The following TTC28 variants were observed in gnomAD, a reference collection of about 807,000 sequenced individuals.
TTC28 encodes tetratricopeptide repeat protein 28.
Under a neutral mutation model 198.0 loss-of-function variants are expected in TTC28, and 61 were observed. That is an observed-to-expected ratio of 0.31 (90% CI 0.25 to 0.38). The LOEUF is 0.38. TTC28 is among the 10% of genes least tolerant of loss of function. The pLI, the probability that TTC28 is intolerant of heterozygous loss-of-function variation, is 1.00. For synonymous variants in TTC28, 1,171 were observed against 1,297.8 expected (o/e 0.90, Z 2.10); for missense variants, 2,678 against 3,164.0 (o/e 0.85, Z 3.69).
chr22:28,021,476 G>T (rs1938593960), intron 13 of TTC28, among the ~76,000 whole-genome samples: 1 of 152,174 alleles, frequency 6.6e-6, no homozygotes, highest in Non-Finnish European at 1.5e-5. Context: ...CAAAGAGAAA[G>T]GTGGTGCTCA....
chr22:28,639,717 A>C (rs2051332223), intron 1 of TTC28, among the ~76,000 whole-genome samples: 1 of 152,016 alleles, frequency 6.6e-6, no homozygotes, highest in African/African-American at 2.4e-5. Flanking sequence ...GATTGTGAGG[A>C]CTCCACAGCC....
At chr22:28,156,920 C>A (rs1296659885) in intron 6 of TTC28, among the ~76,000 whole-genome samples, 2 of 151,504 alleles carry the variant, frequency 1.3e-5, no homozygotes, top group Admixed American at 1.3e-4. Flanking sequence ...CAAACCAAAC[C>A]CAAAATCAGT....
chr22:28,228,657 G>A (rs370010707), intron 5 of TTC28, among the ~76,000 whole-genome samples: 3 of 151,884 alleles, frequency 2.0e-5, no homozygotes, highest in Admixed American at 6.6e-5. Flanking sequence ...CCGAGATTGC[G>A]CCACTGCACT....
rs1363314158 is a variant in TTC28, at chr22:28,105,601, C to T, written c.2985G>A (p.Leu995=). ...CCAGGCCACAGGCTGCGTCACTCTC[C>T]AGGGCTCGGTCTTTCATATCTCTAG... ...NIARDMKDRA[L]ESDAACGLGG... Residue 995 remains leucine, a synonymous_variant, in exon 8 of 23, where the codon CTG becomes CTA. Coordinates refer to ENST00000397906, the MANE Select transcript of TTC28 (RefSeq NM_001145418.2). The T allele has an allele frequency of 3.2e-6, 5 of 1,551,894 alleles. No homozygotes were observed. In the East Asian group the frequency reaches 1.2e-4, roughly 38 times the overall value.
In TTC28 at chr22:28,084,855, G is replaced by A. The variant is rs145832528; in HGVS notation, c.3932+9225C>T. ...CTGAAAACCATGGCATGAGAACTAC[G>A]TGATGAATGCACAAGCCTCAGTAGT... is the stretch of plus-strand genomic sequence containing the variant. On this transcript the variant is annotated intron_variant, in intron 12 of 22. Transcript: ENST00000397906. Among the ~76,000 whole-genome samples, 168 of 152,264 alleles carry A rather than the reference G, an allele frequency of 1.1e-3. 1 individual carries two copies. Among genetic ancestry groups the A allele is most frequent in the African/African-American group, 3.6e-3 (149 of 41,576 alleles).
intron 5 of TTC28, among the ~76,000 whole-genome samples, chr22:28,189,187 T>C (rs1022510043): frequency 4.0e-5 from 6 of 151,850 alleles, no homozygotes; most frequent in African/African-American, 1.5e-4. Flanking sequence ...ATCTCAAAAA[T>C]AACAAATACA....
At chr22:28,465,270 T>C (rs1315240700) in intron 2 of TTC28, among the ~76,000 whole-genome samples, 1 of 152,184 alleles carries the variant, frequency 6.6e-6, no homozygotes, top group African/African-American at 2.4e-5. Flanking sequence ...CAATTTTAAT[T>C]TTTAAAAAAT....
intron 19 of TTC28, among the ~76,000 whole-genome samples, chr22:27,991,737 G>C (rs2146521518): frequency 6.6e-6 from 1 of 152,312 alleles, no homozygotes; most frequent in South Asian, 2.1e-4. Flanking sequence ...CAGGGGCTTG[G>C]TCCAGACCCT....
In TTC28 at chr22:27,980,141, A is replaced by C. The variant is rs1042913832; in HGVS notation, c.*2080T>G. On this transcript the variant is annotated 3_prime_UTR_variant, in exon 23 of 23. Coordinates refer to ENST00000397906, the MANE Select transcript of TTC28 (RefSeq NM_001145418.2). ...GCACTTGGGAAAGAAGGAGGCTGAG[A>C]GATTTGCTAAGAGAGGGACAGCCTA... 6.6e-6 allele frequency: 1 copy of C among 152,204 alleles called. No individual in the cohort carries two copies. Among genetic ancestry groups the C allele is most frequent in the Non-Finnish European group, 1.5e-5 (1 of 68,042 alleles). The allele number at this position is 152,204 out of a possible 1,614,324, so 9.4% of individuals were successfully genotyped here. A position where few individuals can be genotyped will look rare whatever the true frequency, so the allele number is the denominator to read the frequency against.
intron 6 of TTC28, among the ~76,000 whole-genome samples, chr22:28,133,646 A>T (rs1413638556): frequency 6.6e-6 from 1 of 152,210 alleles, no homozygotes; most frequent in African/African-American, 2.4e-5. Flanking sequence ...ACTGCAAGGC[A>T]GCAGCATGGC....
intron 2 of TTC28, among the ~76,000 whole-genome samples, chr22:28,349,863 G>A (rs2045965726): frequency 6.6e-6 from 1 of 152,156 alleles, no homozygotes; most frequent in East Asian, 1.9e-4. Context: ...TGGCAAAAAA[G>A]CAAATGAATG....
At chr22:28,519,889 T>C (rs2048866634) in intron 2 of TTC28, among the ~76,000 whole-genome samples, 1 of 152,190 alleles carries the variant, frequency 6.6e-6, no homozygotes, top group African/African-American at 2.4e-5. Context: ...ACAAGTAAAA[T>C]GTAACACATT....
intron 13 of TTC28, among the ~76,000 whole-genome samples, chr22:28,029,468 C>T (rs1282321735): frequency 6.6e-6 from 1 of 152,192 alleles, no homozygotes; most frequent in Non-Finnish European, 1.5e-5. Context: ...GGCCTTCAGG[C>T]TGTGGCAGGG....
intron 2 of TTC28, among the ~76,000 whole-genome samples, chr22:28,502,596 C>T (rs1205860093): frequency 1.3e-5 from 2 of 151,578 alleles, no homozygotes; most frequent in Non-Finnish European, 2.9e-5. Context: ...TGCAGTGAGC[C>T]GAGATCGTGC....
intron 5 of TTC28, among the ~76,000 whole-genome samples, chr22:28,197,389 C>A (rs528247475): frequency 1.3e-5 from 2 of 151,626 alleles, no homozygotes; most frequent in Non-Finnish European, 2.9e-5. Flanking sequence ...AACTAACCTG[C>A]GTGTTGTGCA....
At chr22:28,135,949 C>T (rs1353320364) in intron 6 of TTC28, among the ~76,000 whole-genome samples, 5 of 152,164 alleles carry the variant, frequency 3.3e-5, no homozygotes, top group Non-Finnish European at 1.5e-5. Flanking sequence ...TAAAGCAGTG[C>T]TCCTCAAACT....
intron 21 of TTC28, among the ~76,000 whole-genome samples, chr22:27,987,572 A>C (rs1569068252): frequency 6.6e-6 from 1 of 152,296 alleles, no homozygotes; most frequent in East Asian, 1.9e-4. Flanking sequence ...TGTCTACAAA[A>C]AATACAAAAA....
intron 5 of TTC28, among the ~76,000 whole-genome samples, chr22:28,258,197 G>A (rs77605181): frequency 6.6e-6 from 1 of 152,148 alleles, no homozygotes; most frequent in African/African-American, 2.4e-5. Flanking sequence ...TCTTCAAAAT[G>A]TGAACAGGTT....
chr22:28,534,536 G>A (rs894676090), intron 2 of TTC28, among the ~76,000 whole-genome samples: 2 of 152,104 alleles, frequency 1.3e-5, no homozygotes, highest in African/African-American at 4.8e-5. Flanking sequence ...CTAGAAATAC[G>A]ATTTGAACCA....
Sources: gnomAD v4.1 joint callset for allele counts (sites outside exome capture counted in the v4.1 genomes callset) on GRCh38, gnomAD v4.1.1 for gene constraint, MANE v1.5 for transcripts, NCBI Gene and HGNC (gene_info 2026-07-23, HGNC 2026-07-21) for gene names.